Variants in SLC25A22 observed in about 807,000 individuals in gnomAD.
SLC25A22 encodes mitochondrial glutamate carrier 1.
SLC25A22 carries 23 observed loss-of-function variants against 33.7 expected under a neutral mutation model. That is an observed-to-expected ratio of 0.68 (90% CI 0.49 to 0.97). The LOEUF (loss-of-function observed/expected upper bound fraction) is 0.97, where lower values mean the gene tolerates loss of function less well. Among genes scored for constraint, SLC25A22 ranks in the 50% least tolerant of loss-of-function variants. SLC25A22 has a pLI of 0.00. For missense variants in SLC25A22, 390 were observed against 451.1 expected (o/e 0.86, Z 1.23); for synonymous variants, 245 against 203.8 (o/e 1.20, Z -1.72).
intron 1 of SLC25A22, chr11:797,680 C>A (rs1308226099): frequency 5.0e-6 from 2 of 398,598 alleles, no homozygotes; most frequent in African/African-American, 4.1e-5. Flanking sequence ...CTCCCGCTGT[C>A]CCCGTCCTCT....
Position 791,787 on chromosome 11 carries a change from G to T in SLC25A22, c.*128C>A, listed in dbSNP as rs552917330. 36 of 1,309,574 alleles carry T rather than the reference G, an allele frequency of 2.7e-5. No individual in the cohort carries two copies. The African/African-American group carries it at 4.0e-4, about 14-fold the overall frequency. The allele number at this position is 1,309,574 out of a possible 1,614,324, so 81.1% of individuals were successfully genotyped here. A position where few individuals can be genotyped will look rare whatever the true frequency, so the allele number is the denominator to read the frequency against. On this transcript the variant is annotated 3_prime_UTR_variant, in exon 10 of 10. Transcript: ENST00000628067. Reference sequence around the variant, plus strand: ...ACCACCTATGTGGACCCTGCACCCTGCCCCCTGCTGCCCCTGCCGACGGGA... The same window carrying T: ...ACCACCTATGTGGACCCTGCACCCTTCCCCCTGCTGCCCCTGCCGACGGGA...
Position 792,408 on chromosome 11 carries a change from T to A in SLC25A22, c.638A>T (p.Gln213Leu), listed in dbSNP as rs772582912. The change falls in exon 8 of 10, where the codon CAG (glutamine) becomes CTG (leucine). Residue 213 changes from glutamine to leucine, a missense_variant. Gln to Leu is a moderately radical substitution (Grantham distance 113). Coordinates refer to ENST00000628067, the MANE Select transcript of SLC25A22 (RefSeq NM_001191061.2). The part of the protein sequence containing the change: ...VYFPLFANLN[Q>L]LGRPASEEKS... ...CTCCTCGGACGCCGGGCGGCCCAGC[T>A]GGTTCAGGTTGGCAAAGAGCGGGAA... 3 of 1,613,130 alleles carry A rather than the reference T, an allele frequency of 1.9e-6. No individual in the cohort carries two copies. Among genetic ancestry groups the A allele is most frequent in the Admixed American group, 1.7e-5 (1 of 60,004 alleles).
rs1429370535 is a variant in SLC25A22, at chr11:794,838, G to A, written c.84C>T (p.Pro28=). The change falls in exon 3 of 10, where the codon CCC becomes CCT. Residue 28 remains proline (P), a synonymous_variant. Coordinates refer to ENST00000628067, the MANE Select transcript of SLC25A22 (RefSeq NM_001191061.2). The part of the protein sequence containing the change: ...AGLIGVTCVF[P]IDLAKTRLQN... The stretch of plus-strand genomic sequence containing the variant: ...GCAGCCTGGTCTTGGCCAGGTCGAT[G>A]GGAAACACGCAGGTGACACCGATCA... 2 of 1,587,604 alleles carry A rather than the reference G, an allele frequency of 1.3e-6. No homozygotes were observed. Among genetic ancestry groups the A allele is most frequent in the Non-Finnish European group, 1.7e-6 (2 of 1,167,798 alleles).
chr11:792,337 TC>T lies in SLC25A22; in HGVS notation c.708del (p.Ser237ValfsTer13). 6.2e-7 allele frequency: 1 copy of T among 1,612,692 alleles called. No homozygotes were observed. Among genetic ancestry groups the T allele is most frequent in the Non-Finnish European group, 8.5e-7 (1 of 1,179,884 alleles). On this transcript the variant is annotated frameshift_variant, in exon 8 of 10. Coordinates refer to ENST00000628067, the MANE Select transcript of SLC25A22 (RefSeq NM_001191061.2). LOFTEE classifies it high-confidence loss of function. ...GGGTTGACGGCCACAGCGGCGGCAC[TC>T]CCAGCCACACAGCCGGCCAGGAAGG... ...YVSFLAGCVA[G>X]SAAAVAVNPC...
Position 797,745 on chromosome 11 carries a change from T to G in SLC25A22, c.-164+472A>C, listed in dbSNP as rs1215500518. On this transcript the variant is annotated intron_variant, in intron 1 of 9. Transcript: ENST00000628067. ...GAGGGTCCCGGAAGGGGACTCCAAC[T>G]GCGCGATGCCTCGGCCAGAGGACAA... The G allele has an allele frequency of 7.5e-6, 3 of 398,534 alleles. No homozygotes were observed. In the East Asian group the frequency reaches 1.1e-4, roughly 14 times the overall value. The allele number at this position is 398,534 out of a possible 1,614,324, so 24.7% of individuals were successfully genotyped here. A position where few individuals can be genotyped will look rare whatever the true frequency, so the allele number is the denominator to read the frequency against.
At chr11:795,294 G>A (rs1039272623) in intron 1 of SLC25A22, 125 bp from the exon 2 acceptor site, 6 of 583,204 alleles carry the variant, frequency 1.0e-5, no homozygotes, top group African/African-American at 1.9e-5. Context: ...ACTGCGTCCT[G>A]AGGGTGCAGC....
At position 794,973 on chromosome 11, in the gene SLC25A22, G is replaced by A. The variant is rs1026535744; in HGVS notation, c.20+14C>T. 2.4e-5 allele frequency: 37 copies of A among 1,561,092 alleles called. No individual in the cohort carries two copies. The highest frequency in any genetic ancestry group is 3.1e-5 in the Non-Finnish European group (36 of 1,152,782). ...GGGTGGGGGTGAGGCACGCAGCCAGGACTGGAGTCTGACCTGATCTGCTTA... is the reference window on the plus strand; with the variant it reads ...GGGTGGGGGTGAGGCACGCAGCCAGAACTGGAGTCTGACCTGATCTGCTTA... On this transcript the variant is annotated intron_variant, in intron 2 of 9. Transcript: ENST00000628067.
In SLC25A22 at chr11:792,922, C is replaced by T; in HGVS notation, c.360G>A (p.Val120=). 6.2e-7 allele frequency: 1 copy of T among 1,611,318 alleles called. No homozygotes were observed. ...GCGAGTCQVI[V]TTPMEMLKIQ... ...TCTTCAGCATCTCCATGGGCGTGGTCACGATCACCTGGCAGGTGCCAGCCC... is the reference window on the plus strand; with the variant it reads ...TCTTCAGCATCTCCATGGGCGTGGTTACGATCACCTGGCAGGTGCCAGCCC... The change falls in exon 6 of 10, where the codon GTG becomes GTA. Residue 120 remains valine (V), a synonymous_variant. Transcript: ENST00000628067.
At chr11:792,118 C>T in intron 9 of SLC25A22, 24 bp downstream of exon 9, 1 of 1,608,952 alleles carries the variant, frequency 6.2e-7, no homozygotes, top group Middle Eastern at 1.7e-4. Context: ...CCCCCAGGCC[C>T]CACCCGCCGT....
chr11:798,278 G>A lies in SLC25A22; in HGVS notation c.-225C>T, dbSNP rs1864943028. ...CCGCGCTCGGCCAGCACCTAGGCGG[G>A]GAGGCGCGTCCGCTCGGCGCCGCGC... On this transcript the variant is annotated 5_prime_UTR_variant, in exon 1 of 10. Transcript: ENST00000628067. The A allele has an allele frequency of 2.7e-6, 1 of 374,434 alleles. No individual in the cohort carries two copies. The highest frequency in any genetic ancestry group is 4.7e-6 in the Non-Finnish European group (1 of 210,530). The allele number at this position is 374,434 out of a possible 1,614,324, so 23.2% of individuals were successfully genotyped here.
chr11:797,504 G>GA (rs1864890579), intron 1 of SLC25A22: 1 of 397,622 alleles, frequency 2.5e-6, no homozygotes, highest in East Asian at 3.6e-5. Context: ...CCACAGGCAA[G>GA]CCAGGGAGAC....
In SLC25A22 at chr11:792,229, G is replaced by A. The variant is rs200517971; in HGVS notation, c.743-12C>T. 113 of 1,612,956 alleles carry A rather than the reference G, an allele frequency of 7.0e-5. No individual in the cohort carries two copies. The African/African-American group carries it at 1.4e-3, about 20-fold the overall frequency. ...CCGCGTCTTCACCACTGCAAGGGGCGCTCGGGTCAGTGTGAGCCTGGCCAA... is the reference window on the plus strand; with the variant it reads ...CCGCGTCTTCACCACTGCAAGGGGCACTCGGGTCAGTGTGAGCCTGGCCAA... On this transcript the variant is annotated splice_polypyrimidine_tract_variant and intron_variant, in intron 8 of 9. Transcript: ENST00000628067.
At position 794,989 on chromosome 11, in the gene SLC25A22, G is replaced by T; in HGVS notation, c.18C>A (p.Ile6=). 6.4e-7 allele frequency: 1 copy of T among 1,559,150 alleles called. No homozygotes were observed. The highest frequency in any genetic ancestry group is 8.7e-7 in the Non-Finnish European group (1 of 1,151,568). The change falls in exon 2 of 10, where the codon ATC becomes ATA. Residue 6 remains isoleucine, a splice_region_variant and synonymous_variant. Transcript: ENST00000628067. ...CGCAGCCAGGACTGGAGTCTGACCT[G>T]ATCTGCTTATCAGCCATTTAACTCG... MADKQ[I]SLPAKLINGG...
At position 793,630 on chromosome 11, in the gene SLC25A22, G is replaced by A. The variant is rs781220237; in HGVS notation, c.203-11C>T. On this transcript the variant is annotated splice_polypyrimidine_tract_variant and intron_variant, in intron 4 of 9. Transcript: ENST00000628067. ...AGTTCACAGCAGCTCCTGTGGGGCA[G>A]GGGGTCAGCTGGGGGGACATGCTCG... 1 of 1,599,122 alleles carries A rather than the reference G, an allele frequency of 6.3e-7. No individual in the cohort carries two copies. The highest frequency in any genetic ancestry group is 1.1e-5 in the South Asian group (1 of 90,910).
chr11:796,998 C>T (rs1864858516), intron 1 of SLC25A22, among the ~76,000 whole-genome samples: 1 of 152,120 alleles, frequency 6.6e-6, no homozygotes, highest in African/African-American at 2.4e-5. Context: ...CTCCGGGCTG[C>T]GCTGGGCCCT....
intron 1 of SLC25A22, 44 bp from the exon 2 acceptor site, chr11:795,213 C>A: frequency 2.9e-6 from 2 of 690,816 alleles, no homozygotes; most frequent in Admixed American, 4.1e-5. Flanking sequence ...TGGGGCCACC[C>A]GAAGAGTAAT....
intron 1 of SLC25A22, chr11:797,466 C>A (rs1048260550): frequency 7.6e-6 from 3 of 396,986 alleles, no homozygotes; most frequent in Admixed American, 4.4e-5. Context: ...CCGTCACTGT[C>A]CCCCCTTCAT....
intron 1 of SLC25A22, among the ~76,000 whole-genome samples, chr11:797,280 G>C (rs1430844371): frequency 1.3e-5 from 2 of 152,192 alleles, no homozygotes; most frequent in African/African-American, 4.8e-5. Context: ...ATGACAGTGA[G>C]GGGCTCTGCC....
chr11:797,162 C>T (rs1359332089), intron 1 of SLC25A22, among the ~76,000 whole-genome samples: 2 of 152,194 alleles, frequency 1.3e-5, no homozygotes, highest in Non-Finnish European at 2.9e-5. Flanking sequence ...TGGGGAGCGG[C>T]CATTCGTCCC....
Sources: gnomAD v4.1 joint callset for allele counts (sites outside exome capture counted in the v4.1 genomes callset) on GRCh38, gnomAD v4.1.1 for gene constraint, MANE v1.5 for transcripts, NCBI Gene and HGNC (gene_info 2026-07-23, HGNC 2026-07-21) for gene names.